Variants in PARD3 observed in about 807,000 individuals in gnomAD.
PARD3 encodes partitioning defective 3 homolog.
In PARD3, 75 loss-of-function variants were observed where a neutral mutation model predicts 155.4. The observed-to-expected ratio is 0.48, with a 90% CI of 0.40 to 0.58. The LOEUF is 0.58. PARD3 is among the 20% of genes least tolerant of loss of function. The probability of loss-of-function intolerance (pLI) is 0.00; values close to 1 mark genes in which losing one functional copy is unlikely to be tolerated. For synonymous variants in PARD3, 576 were observed against 610.5 expected, an observed-to-expected ratio of 0.94 and a Z score of 0.83; for missense variants, 1,642 against 1,721.7, an observed-to-expected ratio of 0.95 and a Z score of 0.82.
chr10:34,128,792 C>A (rs1449847469), intron 23 of PARD3, among the ~76,000 whole-genome samples: 1 of 152,074 alleles, frequency 6.6e-6, no homozygotes. Flanking sequence ...GGTTTCAGGA[C>A]CAAAAAGGAC....
chr10:34,687,872 T>TTTTTTTA (rs869291068), intron 2 of PARD3, among the ~76,000 whole-genome samples: 2 of 134,410 alleles, frequency 1.5e-5, no homozygotes, highest in Admixed American at 7.4e-5. Flanking sequence ...TTTTTTTTTT[T>TTTTTTTA]GAGACAGGGT....
chr10:34,323,149 T>C (rs1958478478), intron 19 of PARD3, among the ~76,000 whole-genome samples: 1 of 152,190 alleles, frequency 6.6e-6, no homozygotes, highest in African/African-American at 2.4e-5. Context: ...GACATAAATA[T>C]TGTTTTTATT....
chr10:34,598,144 T>C (rs113965945), intron 2 of PARD3, among the ~76,000 whole-genome samples: 198 of 152,328 alleles, frequency 1.3e-3, no homozygotes, highest in Non-Finnish European at 2.1e-3. Context: ...TAGTTAATTA[T>C]GCACATTCAT....
intron 8 of PARD3, 24 bp downstream of exon 8, chr10:34,384,105 G>T: frequency 6.2e-7 from 1 of 1,609,394 alleles, no homozygotes. Flanking sequence ...AGTAAGAACA[G>T]AAGTGCAGCG....
intron 22 of PARD3, among the ~76,000 whole-genome samples, chr10:34,167,029 G>T (rs1009822827): frequency 2.6e-5 from 4 of 152,190 alleles, no homozygotes; most frequent in Non-Finnish European, 5.9e-5. Flanking sequence ...GGGCAGTAAT[G>T]ATGTAAACCT....
At chr10:34,215,070 A>C (rs1246439509) in intron 22 of PARD3, among the ~76,000 whole-genome samples, 1 of 152,238 alleles carries the variant, frequency 6.6e-6, no homozygotes, top group African/African-American at 2.4e-5. Flanking sequence ...AAACCAATTA[A>C]AATTGCATTA....
intron 2 of PARD3, among the ~76,000 whole-genome samples, chr10:34,678,316 C>T (rs983213105): frequency 6.6e-6 from 1 of 152,118 alleles, no homozygotes; most frequent in Non-Finnish European, 1.5e-5. Flanking sequence ...TCAAGTGATC[C>T]ACCTCCTTTG....
chr10:34,711,995 C>G (rs1463893933), intron 1 of PARD3, among the ~76,000 whole-genome samples: 1 of 152,198 alleles, frequency 6.6e-6, no homozygotes, highest in Non-Finnish European at 1.5e-5. Context: ...ATATGAATAC[C>G]TTCGTCCTCA....
intron 1 of PARD3, among the ~76,000 whole-genome samples, chr10:34,792,596 A>G (rs1437068014): frequency 1.3e-5 from 2 of 152,200 alleles, no homozygotes; most frequent in African/African-American, 4.8e-5. Flanking sequence ...TCTCAAGTAC[A>G]CTGTTTTCCC....
At chr10:34,200,566 C>T (rs1951164080) in intron 22 of PARD3, among the ~76,000 whole-genome samples, 1 of 152,174 alleles carries the variant, frequency 6.6e-6, no homozygotes, top group Non-Finnish European at 1.5e-5. Context: ...TGTTGCCAGC[C>T]CTCTGCCCAT....
chr10:34,204,360 C>T (rs1488431503), intron 22 of PARD3, among the ~76,000 whole-genome samples: 1 of 152,178 alleles, frequency 6.6e-6, no homozygotes, highest in African/African-American at 2.4e-5. Flanking sequence ...TACATATGGT[C>T]CAGTGGTGGC....
rs145774096 is a variant in PARD3, at chr10:34,119,695, C to A, written c.3586G>T (p.Val1196Leu). 13 of 1,613,010 alleles carry A rather than the reference C, an allele frequency of 8.1e-6. No individual in the cohort carries two copies. Among genetic ancestry groups the A allele is most frequent in the African/African-American group, 2.7e-5 (2 of 75,048 alleles). ...CGCTGCCGCTGCATCTGCACCTCCACGGACACCGAGTGTCGCCCGCTCTGC... is the reference window on the plus strand; with the variant it reads ...CGCTGCCGCTGCATCTGCACCTCCAAGGACACCGAGTGTCGCCCGCTCTGC... Reference protein sequence around the residue: ...ATQSGRHSVSVEVQMQRQRQE... With the variant: ...ATQSGRHSVSLEVQMQRQRQE... The change falls in exon 24 of 25, where the codon GTG (valine) becomes TTG (leucine). Residue 1196 changes from valine (V) to leucine (L), a missense_variant. Val to Leu is a conservative substitution (Grantham distance 32). Around this residue, in one of 3 missense-constraint regions of PARD3, gnomAD observed 1,529 missense variants for 1,587.3 expected, o/e 0.96. Coordinates refer to ENST00000374788, the MANE Select transcript of PARD3 (RefSeq NM_001184785.2).
At chr10:34,343,714 T>C (rs1038348640) in intron 15 of PARD3, 2 of 984,568 alleles carry the variant, frequency 2.0e-6, no homozygotes, top group Non-Finnish European at 2.4e-6. Context: ...TTGCTAGTAG[T>C]TGGTACATCA....
chr10:34,161,090 A>T (rs926685122), intron 22 of PARD3, among the ~76,000 whole-genome samples: 3 of 152,000 alleles, frequency 2.0e-5, no homozygotes, highest in Non-Finnish European at 2.9e-5. Flanking sequence ...TAAAAAGTTT[A>T]AAAAATTAGC....
intron 13 of PARD3, 78 bp from the exon 14 acceptor site, chr10:34,359,395 AT>A: frequency 9.1e-7 from 1 of 1,093,486 alleles, no homozygotes; most frequent in African/African-American, 1.6e-5. Flanking sequence ...TAGTTAATAA[AT>A]AAAATAAAAA....
intron 2 of PARD3, among the ~76,000 whole-genome samples, chr10:34,620,643 C>G (rs919063312): frequency 3.3e-5 from 5 of 152,200 alleles, no homozygotes; most frequent in Non-Finnish European, 1.5e-5. Context: ...ACTTACAAAG[C>G]ATCAGCTTAA....
At chr10:34,399,163 GCTTT>G (rs1269432594) in intron 7 of PARD3, among the ~76,000 whole-genome samples, 163 bp downstream of exon 7, 1 of 152,120 alleles carries the variant, frequency 6.6e-6, no homozygotes, top group African/African-American at 2.4e-5. Flanking sequence ...CAGGCTAAGT[GCTTT>G]CTGTGATTAT....
chr10:34,437,569 C>A (rs1251235318), intron 5 of PARD3, among the ~76,000 whole-genome samples: 6 of 152,012 alleles, frequency 3.9e-5, no homozygotes, highest in Non-Finnish European at 7.4e-5. Flanking sequence ...GAAAAAAATT[C>A]ATCTCCAAGA....
chr10:34,128,623 T>C (rs1360287334), intron 23 of PARD3, among the ~76,000 whole-genome samples: 1 of 152,166 alleles, frequency 6.6e-6, no homozygotes, highest in Non-Finnish European at 1.5e-5. Context: ...CCCCATGTTG[T>C]TTAAGGGCCA....
Sources: gnomAD v4.1 joint callset for allele counts (sites outside exome capture counted in the v4.1 genomes callset) on GRCh38, gnomAD v4.1.1 for gene constraint, gnomAD v4.1.1 regional missense constraint, MANE v1.5 for transcripts, NCBI Gene and HGNC (gene_info 2026-07-23, HGNC 2026-07-21) for gene names.